Variants in ITGAE observed in about 807,000 individuals in gnomAD.
ITGAE encodes the protein integrin subunit alpha E.
In ITGAE, 99 loss-of-function variants were observed where a neutral mutation model predicts 136.5. The ratio of observed to expected loss-of-function variants is 0.73; its 90% confidence interval spans 0.62 to 0.86. The LOEUF is 0.86. Among genes scored for constraint, ITGAE ranks in the 40% least tolerant of loss-of-function variants. The pLI, the probability that ITGAE is intolerant of heterozygous loss-of-function variation, is 0.00. For synonymous variants in ITGAE, 613 were observed against 591.8 expected (o/e 1.04, Z -0.52); for missense variants, 1,447 against 1,515.3 (o/e 0.95, Z 0.75).
intron 2 of ITGAE, among the ~76,000 whole-genome samples, chr17:3,766,331 A>C (rs2052297804): frequency 6.6e-6 from 1 of 152,112 alleles, no homozygotes; most frequent in Non-Finnish European, 1.5e-5. Context: ...AGTCGGAGAA[A>C]GTTGTGAAGC....
rs570811622 is a variant in ITGAE, at chr17:3,754,944, G to A, written c.1384+173C>T. On this transcript the variant is annotated intron_variant, in intron 12 of 30. Transcript: ENST00000263087. The stretch of plus-strand genomic sequence containing the variant: ...CAGGTAGCCCCCAGGCCCCACCCTC[G>A]CCCAGGTAGCCTCCAGGCCCCGCCC... Among the ~76,000 whole-genome samples the A allele has an allele frequency of 0.057, 3,507 of 61,008 alleles. 176 individuals carry two copies. Among genetic ancestry groups the A allele is most frequent in the African/African-American group, 0.13 (2,121 of 15,920 alleles). The allele number at this position is 61,008 out of a possible 152,430, so 40.0% of individuals were successfully genotyped here. A position where few individuals can be genotyped will look rare whatever the true frequency, so the allele number is the denominator to read the frequency against.
intron 1 of ITGAE, among the ~76,000 whole-genome samples, chr17:3,795,910 C>CGCATCCGTGTGTGT (rs749114362): frequency 2.5e-5 from 3 of 121,192 alleles, no homozygotes; most frequent in East Asian, 2.5e-4. Flanking sequence ...TCTGTGTATG[C>CGCATCCGTGTGTGT]GCATCCGTGT....
chr17:3,789,245 C>CA (rs539998203), intron 1 of ITGAE, among the ~76,000 whole-genome samples: 3 of 150,750 alleles, frequency 2.0e-5, no homozygotes, highest in Non-Finnish European at 4.4e-5. Flanking sequence ...AGACTGTCTC[C>CA]AAAAAAAAGA....
Position 3,756,992 on chromosome 17 carries a change from CTGA to C in ITGAE, c.1160_1162del (p.Ile387del), listed in dbSNP as rs1441725931. On this transcript the variant is annotated inframe_deletion, in exon 10 of 31. Transcript: ENST00000263087. ...GGTCCCGGAGCCCTCACCTTCCATG[CTGA>C]TGATGTTGTACCGCAGTTTGCTCAG... 6.2e-7 allele frequency: 1 copy of C among 1,613,492 alleles called. No homozygotes were observed. Among genetic ancestry groups the C allele is most frequent in the Non-Finnish European group, 8.5e-7 (1 of 1,179,700 alleles).
At position 3,745,078 on chromosome 17, in the gene ITGAE, C is replaced by T. The variant is rs574521825; in HGVS notation, c.2319+686G>A. On this transcript the variant is annotated intron_variant, in intron 18 of 30. Transcript: ENST00000263087. Reference sequence around the variant, plus strand: ...TTCGAGATCCTGTCAGGGTTTGAGTCCCGACATACTTTTTTTACCCCATGT... The same window carrying T: ...TTCGAGATCCTGTCAGGGTTTGAGTTCCGACATACTTTTTTTACCCCATGT... Among the ~76,000 whole-genome samples, 25 of 152,208 alleles carry T rather than the reference C, an allele frequency of 1.6e-4. No individual in the cohort carries two copies. The East Asian group carries it at 4.8e-3, about 29-fold the overall frequency.
chr17:3,722,036 G>A (rs968580343), intron 28 of ITGAE, among the ~76,000 whole-genome samples: 18 of 151,692 alleles, frequency 1.2e-4, no homozygotes, highest in African/African-American at 1.7e-4. Context: ...AAAATTAGCC[G>A]GGTATGGTGG....
intron 2 of ITGAE, among the ~76,000 whole-genome samples, chr17:3,772,831 C>T (rs1287391884): frequency 6.6e-6 from 1 of 152,184 alleles, no homozygotes; most frequent in Admixed American, 6.5e-5. Flanking sequence ...ATGTAGGAAA[C>T]GTCGAGCTCT....
intron 2 of ITGAE, among the ~76,000 whole-genome samples, chr17:3,768,467 C>A (rs2052349398): frequency 6.6e-6 from 1 of 152,190 alleles, no homozygotes; most frequent in East Asian, 1.9e-4. Context: ...TAGTTTACAC[C>A]AATGTCCCTT....
chr17:3,754,554 CTAT>C (rs1395312185), intron 12 of ITGAE: 1 of 158,316 alleles, frequency 6.3e-6, no homozygotes. Flanking sequence ...TACTGCACCA[CTAT>C]TATTAATGGA....
At chr17:3,794,814 C>T (rs931140368) in intron 1 of ITGAE, among the ~76,000 whole-genome samples, 2 of 151,946 alleles carry the variant, frequency 1.3e-5, no homozygotes, top group African/African-American at 2.4e-5. Flanking sequence ...CAACATGTTA[C>T]GAGGGGTGGG....
rs539537335 is a variant in ITGAE at position 3,761,308 on chromosome 17, C to T, written c.433+95G>A. 2,423 of 1,539,734 alleles carry T rather than the reference C, an allele frequency of 1.6e-3. 1 individual carries two copies. The highest frequency in any genetic ancestry group is 2.0e-3 in the Non-Finnish European group (2,245 of 1,142,368). On this transcript the variant is annotated intron_variant, in intron 5 of 30. Coordinates refer to ENST00000263087, the MANE Select transcript of ITGAE (RefSeq NM_002208.5). ...CCTGCCTTGCTCCACTGTGGGCCTGCGTCCCACTGCATCTGCCGTGAGCTG... is the reference window on the plus strand; with the variant it reads ...CCTGCCTTGCTCCACTGTGGGCCTGTGTCCCACTGCATCTGCCGTGAGCTG...
At chr17:3,792,886 C>T (rs2052976827) in intron 1 of ITGAE, among the ~76,000 whole-genome samples, 1 of 152,154 alleles carries the variant, frequency 6.6e-6, no homozygotes, top group African/African-American at 2.4e-5. Context: ...AAAAAACTGT[C>T]CCTAAGGGTC....
chr17:3,750,571 G>A (rs768374371), intron 15 of ITGAE, 89 bp from the exon 16 acceptor site: 22 of 1,483,624 alleles, frequency 1.5e-5, no homozygotes, highest in South Asian at 3.7e-5. Flanking sequence ...GATCAGCATC[G>A]CAGGCACCAT....
In ITGAE at chr17:3,796,161, G is replaced by GCGCATCCGTGTGTGTGTGTT. The variant is rs1567565809; in HGVS notation, c.34+4949_34+4950insAACACACACACACGGATGCG. Among the ~76,000 whole-genome samples the GCGCATCCGTGTGTGTGTGTT allele has an allele frequency of 1.8e-3, 137 of 77,964 alleles. 9 individuals carry two copies. Among genetic ancestry groups the GCGCATCCGTGTGTGTGTGTT allele is most frequent in the African/African-American group, 8.1e-3 (122 of 15,144 alleles). 51.1% of individuals were successfully genotyped at this position (77,964 alleles called of 152,430 possible). A position where few individuals can be genotyped will look rare whatever the true frequency, so the allele number is the denominator to read the frequency against. On this transcript the variant is annotated intron_variant, in intron 1 of 30. Transcript: ENST00000263087. The stretch of plus-strand genomic sequence containing the variant: ...TGTGTGTGCATCCGTGTGTGTGTGT[G>GCGCATCCGTGTGTGTGTGTT]TGTGCATCCGTGTGTGTGTGTGTGT...
chr17:3,714,905 A>G lies in ITGAE; in HGVS notation c.3482T>C (p.Leu1161Ser). Residue 1161 changes from leucine to serine, a missense_variant, in exon 31 of 31, where the codon TTG becomes TCG. Leu to Ser is a moderately radical substitution (Grantham distance 145). Coordinates refer to ENST00000263087, the MANE Select transcript of ITGAE (RefSeq NM_002208.5). ...FFKRKYQQLN[L>S]ESIRKAQLKS... ...CAGCTGGGCCTTCCTGATGCTCTCC[A>G]AGTTCAGTTGTTGATATTTTCTTTT... 6.2e-7 allele frequency: 1 copy of G among 1,610,742 alleles called. No homozygotes were observed. The highest frequency in any genetic ancestry group is 2.2e-5 in the East Asian group (1 of 44,818).
In ITGAE at chr17:3,757,198, C is replaced by G. The variant is rs220476; in HGVS notation, c.1021-64G>C. 153 of 1,566,376 alleles carry G rather than the reference C, an allele frequency of 9.8e-5. 1 individual carries two copies. In the African/African-American group the frequency reaches 1.5e-3, roughly 16 times the overall value. On this transcript the variant is annotated intron_variant, in intron 9 of 30. Coordinates refer to ENST00000263087, the MANE Select transcript of ITGAE (RefSeq NM_002208.5). ...GGATTCCCCAGGCCCAGGGAGAGAG[C>G]TGAGCCCCTCCATCTGGCCTCTGGG...
In ITGAE at chr17:3,794,700, G is replaced by A. The variant is rs376895008; in HGVS notation, c.34+6411C>T. 1.6e-4 allele frequency among the ~76,000 whole-genome samples: 24 copies of A among 152,258 alleles called. No homozygotes were observed. The East Asian group carries it at 3.3e-3, about 21-fold the overall frequency. ...AGTAGGGAGTCTGGGCTCCGGCCCC[G>A]GGGCCCACGTCACGTTGAGCCCTGT... On this transcript the variant is annotated intron_variant, in intron 1 of 30. Coordinates refer to ENST00000263087, the MANE Select transcript of ITGAE (RefSeq NM_002208.5).
chr17:3,781,361 T>C lies in ITGAE; in HGVS notation c.35-3701A>G, dbSNP rs536610030. 7.3e-4 allele frequency among the ~76,000 whole-genome samples: 111 copies of C among 152,204 alleles called. 1 individual carries two copies. Among genetic ancestry groups the C allele is most frequent in the African/African-American group, 2.2e-3 (92 of 41,536 alleles). Reference sequence around the variant, plus strand: ...TCATTTCTTTTTTCTTTCTTTCTTTTTTTTTTGAGATAAAGTCTCGCTGAG... The same window carrying C: ...TCATTTCTTTTTTCTTTCTTTCTTTCTTTTTTGAGATAAAGTCTCGCTGAG... On this transcript the variant is annotated intron_variant, in intron 1 of 30. Transcript: ENST00000263087.
chr17:3,800,642 C>T (rs968373874), intron 1 of ITGAE, among the ~76,000 whole-genome samples: 1 of 152,358 alleles, frequency 6.6e-6, no homozygotes, highest in South Asian at 2.1e-4. Flanking sequence ...CACTCACACC[C>T]TCTACCATAC....
Sources: gnomAD v4.1 joint callset for allele counts (sites outside exome capture counted in the v4.1 genomes callset) on GRCh38, gnomAD v4.1.1 for gene constraint, MANE v1.5 for transcripts, NCBI Gene and HGNC (gene_info 2026-07-23, HGNC 2026-07-21) for gene names.